TMEM232: variants seen among roughly 807,000 people sequenced by gnomAD.
TMEM232 encodes the protein transmembrane protein 232.
Under a neutral mutation model 78.8 loss-of-function variants are expected in TMEM232, and 80 were observed. That is an observed-to-expected ratio of 1.01 (90% CI 0.85 to 1.22). TMEM232 has a LOEUF of 1.22. Among genes scored for constraint, TMEM232 ranks in the 50% most tolerant of loss-of-function variants. TMEM232 has a pLI of 0.00. For synonymous variants in TMEM232, 297 were observed against 254.3 expected, an observed-to-expected ratio of 1.17 and a Z score of -1.60; for missense variants, 881 against 742.2, an observed-to-expected ratio of 1.19 and a Z score of -2.17.
At chr5:110,428,950 C>A (rs1038691010) in intron 12 of TMEM232, among the ~76,000 whole-genome samples, 7 of 151,742 alleles carry the variant, frequency 4.6e-5, no homozygotes, top group African/African-American at 1.7e-4. Flanking sequence ...ATAAATAACT[C>A]ATTTCAGAAA....
At chr5:110,633,642 G>A (rs996209328) in intron 5 of TMEM232, among the ~76,000 whole-genome samples, 3 of 152,064 alleles carry the variant, frequency 2.0e-5, no homozygotes, top group African/African-American at 7.2e-5. Context: ...CTGCTGCCTT[G>A]TAAAGAAGGC....
At chr5:110,620,568 G>T (rs1783502356) in intron 7 of TMEM232, among the ~76,000 whole-genome samples, 1 of 121,122 alleles carries the variant, frequency 8.3e-6, no homozygotes, top group African/African-American at 3.3e-5. Flanking sequence ...CTTGTGGTAT[G>T]TCTCTCATAT....
At chr5:110,406,930 G>C (rs933370218) in intron 2 of TMEM232, among the ~76,000 whole-genome samples, 2 of 151,846 alleles carry the variant, frequency 1.3e-5, no homozygotes, top group Non-Finnish European at 2.9e-5. Context: ...AAAATAACTT[G>C]TTATGTCTTT....
At chr5:110,720,326 G>A (rs1055048637) in intron 1 of TMEM232, among the ~76,000 whole-genome samples, 9 of 152,072 alleles carry the variant, frequency 5.9e-5, no homozygotes, top group Admixed American at 2.6e-4. Flanking sequence ...TCTTATGCAT[G>A]AAGAAGACTG....
At chr5:110,479,918 A>AT (rs1191353306) in intron 12 of TMEM232, among the ~76,000 whole-genome samples, 1 of 151,814 alleles carries the variant, frequency 6.6e-6, no homozygotes, top group Non-Finnish European at 1.5e-5. Flanking sequence ...ATACAATATA[A>AT]TTTTTTTAAC....
intron 11 of TMEM232, among the ~76,000 whole-genome samples, chr5:110,561,184 A>G (rs1044078482): frequency 1.1e-4 from 17 of 152,106 alleles, no homozygotes; most frequent in Admixed American, 9.8e-4. Context: ...AGAATTTCAT[A>G]CAGGGAATAA....
At chr5:110,694,141 G>GC (rs1474907406) in intron 1 of TMEM232, among the ~76,000 whole-genome samples, 1 of 152,014 alleles carries the variant, frequency 6.6e-6, no homozygotes, top group African/African-American at 2.4e-5. Context: ...GAGAGTGAGG[G>GC]CCAATATTCA....
At chr5:110,591,493 C>T (rs1289390771) in intron 10 of TMEM232, among the ~76,000 whole-genome samples, 3 of 152,140 alleles carry the variant, frequency 2.0e-5, no homozygotes, top group African/African-American at 7.2e-5. Context: ...TACTTCCTCA[C>T]CTATAGTTTC....
intron 2 of TMEM232, among the ~76,000 whole-genome samples, chr5:110,647,962 A>C (rs1423166302): frequency 1.3e-5 from 2 of 152,036 alleles, no homozygotes; most frequent in Admixed American, 6.6e-5. Context: ...TGTGTCTTCC[A>C]AAAAATGAAT....
chr5:110,481,472 T>C (rs1763854739), intron 12 of TMEM232, among the ~76,000 whole-genome samples: 2 of 152,008 alleles, frequency 1.3e-5, no homozygotes, highest in African/African-American at 2.4e-5. Context: ...AAAAATGCTC[T>C]CCCTCTTCCC....
chr5:110,433,066 A>C (rs1758038472), intron 12 of TMEM232, among the ~76,000 whole-genome samples: 1 of 151,824 alleles, frequency 6.6e-6, no homozygotes, highest in South Asian at 2.1e-4. Flanking sequence ...TGATATAATT[A>C]GATAGTTCAT....
intron 10 of TMEM232, among the ~76,000 whole-genome samples, chr5:110,570,194 T>C (rs1321229309): frequency 6.6e-6 from 1 of 151,982 alleles, no homozygotes; most frequent in East Asian, 1.9e-4. Context: ...GAAACGTCAT[T>C]TTCTCCTTAT....
At chr5:110,594,336 C>T (rs1416841958) in intron 10 of TMEM232, among the ~76,000 whole-genome samples, 1 of 152,148 alleles carries the variant, frequency 6.6e-6, no homozygotes, top group African/African-American at 2.4e-5. Context: ...CCTCCTGTGC[C>T]TATACCACCA....
chr5:110,441,449 C>T (rs959425008), intron 12 of TMEM232, among the ~76,000 whole-genome samples: 3 of 152,104 alleles, frequency 2.0e-5, no homozygotes, highest in Non-Finnish European at 4.4e-5. Context: ...CTTCCATGTT[C>T]ACAGTGAAGT....
chr5:110,715,353 A>G (rs1301331219), intron 1 of TMEM232, among the ~76,000 whole-genome samples: 12 of 152,196 alleles, frequency 7.9e-5, no homozygotes, highest in Admixed American at 7.9e-4. Flanking sequence ...AAGCAAAAGT[A>G]TAGAGACTAA....
chr5:110,694,631 C>CA (rs1376586397), intron 1 of TMEM232, among the ~76,000 whole-genome samples: 3 of 151,498 alleles, frequency 2.0e-5, no homozygotes, highest in Admixed American at 1.3e-4. Flanking sequence ...AAATGGAAAA[C>CA]AAAAAAAGGC....
At chr5:110,702,029 G>A (rs1004238396) in intron 1 of TMEM232, among the ~76,000 whole-genome samples, 8 of 152,036 alleles carry the variant, frequency 5.3e-5, no homozygotes, top group African/African-American at 1.4e-4. Flanking sequence ...GACAGCTAAG[G>A]GGGGTTTTAG....
At chr5:110,463,443 G>GGC (rs1761747766) in intron 12 of TMEM232, among the ~76,000 whole-genome samples, 2 of 152,084 alleles carry the variant, frequency 1.3e-5, no homozygotes, top group Non-Finnish European at 2.9e-5. Context: ...ACTTTATTGT[G>GGC]ATATTCTCTT....
rs148085449 is a variant in TMEM232, at chr5:110,626,221, A to T, written c.602-788T>A. On this transcript the variant is annotated intron_variant, in intron 6 of 13. Coordinates refer to ENST00000455884, the MANE Select transcript of TMEM232 (RefSeq NM_001039763.4). ...TGAGGAGGGTATATCCTCAATAACA[A>T]TCTAATATGAGAACTTGAGCTTTTT... Among the ~76,000 whole-genome samples the T allele has an allele frequency of 3.8e-4, 58 of 152,140 alleles. 1 individual carries two copies. The highest frequency in any genetic ancestry group is 3.4e-3 in the Middle Eastern group (1 of 294).
Sources: gnomAD v4.1 joint callset for allele counts (sites outside exome capture counted in the v4.1 genomes callset) on GRCh38, gnomAD v4.1.1 for gene constraint, MANE v1.5 for transcripts, NCBI Gene and HGNC (gene_info 2026-07-23, HGNC 2026-07-21) for gene names.